ZSCAN4: variants seen among roughly 807,000 people sequenced by gnomAD.
ZSCAN4 encodes the protein zinc finger and SCAN domain-containing protein 4.
In ZSCAN4, 18 loss-of-function variants were observed where a neutral mutation model predicts 18.3. That is an observed-to-expected ratio of 0.98 (90% CI 0.68 to 1.46). The LOEUF (loss-of-function observed/expected upper bound fraction) is 1.46, where lower values mean the gene tolerates loss of function less well. Among genes scored for constraint, ZSCAN4 ranks in the 40% most tolerant of loss-of-function variants. The pLI is 0.00. For synonymous variants in ZSCAN4, 193 were observed against 180.3 expected (o/e 1.07, Z -0.57); for missense variants, 498 against 511.4 (o/e 0.97, Z 0.25).
At chr19:57,676,204 C>T (rs139519195) in exon 3 of ZSCAN4, 1 of 1,613,994 alleles carries the variant, frequency 6.2e-7, no homozygotes, top group Non-Finnish European at 8.5e-7. Context: ...AATCTTGGAT[C>T]AGAAAATTCA....
the ZSCAN4 span, among the ~76,000 whole-genome samples, chr19:57,654,474 C>T: frequency 2.6e-5 from 4 of 152,128 alleles, no homozygotes; most frequent in Non-Finnish European, 5.9e-5. Context: ...CCTTTGTCAG[C>T]CCAGTACCTC....
the ZSCAN4 span, among the ~76,000 whole-genome samples, chr19:57,653,373 C>T: frequency 3.8e-4 from 52 of 136,236 alleles, no homozygotes; most frequent in Admixed American, 6.1e-4. Flanking sequence ...GGTGACAGAG[C>T]GAGACTCCAT....
At chr19:57,673,134 C>T (rs1476889568) in intron 2 of ZSCAN4, among the ~76,000 whole-genome samples, 4 of 151,102 alleles carry the variant, frequency 2.6e-5, no homozygotes, top group Non-Finnish European at 4.4e-5. Flanking sequence ...CTGCAACCTC[C>T]ATCTCCTGGG....
chr19:57,661,747 T>C, the ZSCAN4 span, among the ~76,000 whole-genome samples: 2 of 152,226 alleles, frequency 1.3e-5, no homozygotes, highest in Non-Finnish European at 2.9e-5. Flanking sequence ...GAATATTCTG[T>C]ACTCAGAATT....
At chr19:57,662,074 CTG>C in the ZSCAN4 span, among the ~76,000 whole-genome samples, 4 of 87,516 alleles carry the variant, frequency 4.6e-5, no homozygotes, top group Non-Finnish European at 8.9e-5. Context: ...GAGCGAGACT[CTG>C]TCTCAAAAAA....
chr19:57,654,967 C>A, the ZSCAN4 span, among the ~76,000 whole-genome samples: 1 of 152,188 alleles, frequency 6.6e-6, no homozygotes, highest in African/African-American at 2.4e-5. Context: ...TTCTCTGTAG[C>A]CCCTCCCTTA....
the ZSCAN4 span, among the ~76,000 whole-genome samples, chr19:57,662,733 G>A: frequency 1.3e-4 from 19 of 151,990 alleles, no homozygotes; most frequent in South Asian, 3.1e-3. Flanking sequence ...GCTAATTTTC[G>A]TATTTTTAAT....
the ZSCAN4 span, among the ~76,000 whole-genome samples, chr19:57,662,612 AGT>A: frequency 6.6e-6 from 1 of 152,112 alleles, no homozygotes; most frequent in Non-Finnish European, 1.5e-5. Flanking sequence ...CCCAGACTGG[AGT>A]GCAGTGGCAC....
the ZSCAN4 span, among the ~76,000 whole-genome samples, chr19:57,658,235 T>C: frequency 1.1e-4 from 17 of 152,186 alleles, no homozygotes; most frequent in African/African-American, 4.1e-4. Context: ...CAGAGGTCTA[T>C]ACAGAGTAAA....
Position 57,678,679 on chromosome 19 carries a change from A to G in ZSCAN4, c.1076A>G (p.Gln359Arg), listed in dbSNP as rs763017650. 27 of 1,614,068 alleles carry G rather than the reference A, an allele frequency of 1.7e-5. 1 individual carries two copies. In the South Asian group the frequency reaches 2.6e-4, roughly 16 times the overall value. The change falls in exon 5 of 5, where the codon CAG (glutamine) becomes CGG (arginine). Residue 359 changes from glutamine (Q) to arginine (R), a missense_variant. Transcript: ENST00000318203. ...CAGATATCAGACCTACGGGTGCATC[A>G]GATAATTCACACAGGAAAGAAGCCT...
intron 2 of ZSCAN4, among the ~76,000 whole-genome samples, chr19:57,671,226 C>G (rs1280862322): frequency 6.6e-6 from 1 of 151,944 alleles, no homozygotes; most frequent in Non-Finnish European, 1.5e-5. Flanking sequence ...GATCATAAAG[C>G]CCAGGATACA....
chr19:57,652,366 T>C, the ZSCAN4 span, among the ~76,000 whole-genome samples: 7 of 152,194 alleles, frequency 4.6e-5, no homozygotes, highest in Admixed American at 2.0e-4. Context: ...AATGCAATGG[T>C]AAATCGTCCG....
exon 5 of ZSCAN4, chr19:57,678,795 T>C (rs1255298220): frequency 2.5e-6 from 4 of 1,614,152 alleles, no homozygotes; most frequent in East Asian, 2.2e-5. Flanking sequence ...GCCTTATACA[T>C]GTCCCTTTTG....
the ZSCAN4 span, among the ~76,000 whole-genome samples, chr19:57,654,875 T>A: frequency 3.3e-5 from 5 of 152,194 alleles, no homozygotes; most frequent in Non-Finnish European, 5.9e-5. Context: ...TAGCCCCTGC[T>A]TATTTGGACA....
At chr19:57,676,356 T>C (rs1410777166) in exon 3 of ZSCAN4, 3 of 1,614,084 alleles carry the variant, frequency 1.9e-6, no homozygotes, top group Non-Finnish European at 2.5e-6. Context: ...GATCTTTCAC[T>C]CATGGCTGCA....
At chr19:57,657,153 G>A in the ZSCAN4 span, among the ~76,000 whole-genome samples, 1 of 151,910 alleles carries the variant, frequency 6.6e-6, no homozygotes, top group Non-Finnish European at 1.5e-5. Flanking sequence ...CTACTCAAGA[G>A]GCTGAGGCAG....
At chr19:57,658,402 G>T in the ZSCAN4 span, among the ~76,000 whole-genome samples, 971 of 152,272 alleles carry the variant, frequency 6.4e-3, 7 homozygotes, top group African/African-American at 0.022. Flanking sequence ...TGTGGTAGTG[G>T]TTACATGCTG....
intron 2 of ZSCAN4, among the ~76,000 whole-genome samples, chr19:57,670,834 A>T (rs1412804054): frequency 6.6e-6 from 1 of 151,912 alleles, no homozygotes; most frequent in Non-Finnish European, 1.5e-5. Flanking sequence ...TTTTCTTCAA[A>T]AAGTCTATCG....
At chr19:57,663,865 G>A in the ZSCAN4 span, among the ~76,000 whole-genome samples, 15 of 152,172 alleles carry the variant, frequency 9.9e-5, no homozygotes, top group African/African-American at 3.6e-4. Context: ...TGTGGCTCAC[G>A]CCTGTAATCC....
Sources: gnomAD v4.1 joint callset for allele counts (sites outside exome capture counted in the v4.1 genomes callset) on GRCh38, gnomAD v4.1.1 for gene constraint, MANE v1.5 for transcripts, NCBI Gene and HGNC (gene_info 2026-07-23, HGNC 2026-07-21) for gene names.